The following NALF1 variants were observed in gnomAD, a reference collection of about 807,000 sequenced individuals.
NALF1 encodes NALCN channel auxiliary factor 1, also known as family with sequence similarity 155 member A.
NALF1 carries 3 observed loss-of-function variants against 48.4 expected under a neutral mutation model. The observed-to-expected ratio is 0.06, with a 90% CI of 0.03 to 0.16. The LOEUF (loss-of-function observed/expected upper bound fraction) is 0.16. Ranked by LOEUF, NALF1 falls within the 10% of genes least tolerant of loss-of-function variation. The pLI, the probability that NALF1 is intolerant of heterozygous loss-of-function variation, is 1.00. For synonymous variants in NALF1, 262 were observed against 245.7 expected, an observed-to-expected ratio of 1.07 and a Z score of -0.62; for missense variants, 526 against 571.5, an observed-to-expected ratio of 0.92 and a Z score of 0.81.
At chr13:107,787,471 T>A (rs1417820580) in intron 1 of NALF1, among the ~76,000 whole-genome samples, 1 of 152,228 alleles carries the variant, frequency 6.6e-6, no homozygotes, top group East Asian at 1.9e-4. Flanking sequence ...TCTTTATGAT[T>A]CACAGTTTAT....
At chr13:107,782,690 T>C (rs186084513) in intron 1 of NALF1, among the ~76,000 whole-genome samples, 12 of 138,354 alleles carry the variant, frequency 8.7e-5, no homozygotes, top group Middle Eastern at 4.0e-3. Flanking sequence ...ATGTGGGGAG[T>C]GCCTTTGCCC....
intron 1 of NALF1, among the ~76,000 whole-genome samples, chr13:107,756,456 A>ATATATATATATATAT (rs1877099055): frequency 2.7e-4 from 30 of 110,794 alleles, no homozygotes; most frequent in African/African-American, 1.2e-3. Context: ...TATATATATA[A>ATATATATATATATAT]AGCATAAATA....
intron 1 of NALF1, among the ~76,000 whole-genome samples, chr13:107,565,683 G>A (rs1877791544): frequency 6.6e-6 from 1 of 152,242 alleles, no homozygotes; most frequent in South Asian, 2.1e-4. Flanking sequence ...GTGCCCATGA[G>A]TCTAAATCAT....
intron 1 of NALF1, among the ~76,000 whole-genome samples, chr13:107,775,454 A>G (rs1312560935): frequency 6.6e-6 from 1 of 151,588 alleles, no homozygotes; most frequent in African/African-American, 2.4e-5. Flanking sequence ...CCAGTCTATC[A>G]TTGTTGGACA....
Position 107,865,976 on chromosome 13 carries a change from C to T in NALF1, c.621G>A (p.Val207=). 6.2e-7 allele frequency: 1 copy of T among 1,613,066 alleles called. No individual in the cohort carries two copies. The highest frequency in any genetic ancestry group is 2.2e-5 in the East Asian group (1 of 44,876). The change falls in exon 1 of 3, where the codon GTG becomes GTA. Residue 207 remains valine, a synonymous_variant. Transcript: ENST00000375915. Reference sequence around the variant, plus strand: ...AGAGCGGAGTGGGATGCTTGCTCCTCACCTCCTGCCCGTCCCCCCCGGCCG... The same window carrying T: ...AGAGCGGAGTGGGATGCTTGCTCCTTACCTCCTGCCCGTCCCCCCCGGCCG... ...RGAAGGDGQE[V]RSKHPTPLWN...
In NALF1 at chr13:107,725,898, G is replaced by C. The variant is rs141694989; in HGVS notation, c.915+139784C>G. Among the ~76,000 whole-genome samples the C allele has an allele frequency of 3.3e-3, 504 of 152,164 alleles. 2 individuals are homozygous for C. Among genetic ancestry groups the C allele is most frequent in the Middle Eastern group, 0.031 (9 of 294 alleles). The stretch of plus-strand genomic sequence containing the variant: ...TTTTTTCATATTGCCGAGTATCCCA[G>C]GAAAAACCCATTCAGCTGGGTGTTT... On this transcript the variant is annotated intron_variant, in intron 1 of 2. Coordinates refer to ENST00000375915, the MANE Select transcript of NALF1 (RefSeq NM_001080396.3).
intron 1 of NALF1, among the ~76,000 whole-genome samples, chr13:107,376,934 C>T (rs925102294): frequency 1.3e-5 from 2 of 152,294 alleles, no homozygotes; most frequent in African/African-American, 4.8e-5. Flanking sequence ...TCTGTCAACT[C>T]GCTCCTGTTC....
intron 1 of NALF1, among the ~76,000 whole-genome samples, chr13:107,355,604 A>C (rs1882949707): frequency 6.6e-6 from 1 of 151,928 alleles, no homozygotes; most frequent in African/African-American, 2.4e-5. Flanking sequence ...AGTTCTCATG[A>C]GATCTGGTTG....
chr13:107,439,567 G>A (rs1455362618), intron 1 of NALF1, among the ~76,000 whole-genome samples: 1 of 152,094 alleles, frequency 6.6e-6, no homozygotes, highest in African/African-American at 2.4e-5. Flanking sequence ...CAGAAAGAAG[G>A]GCTCCTCTCC....
intron 1 of NALF1, among the ~76,000 whole-genome samples, chr13:107,845,092 A>C (rs150007456): frequency 6.6e-6 from 1 of 152,228 alleles, no homozygotes. Context: ...ATAGCTTAAT[A>C]GTTCAAAATA....
At position 107,166,006 on chromosome 13, in the gene NALF1, ATGTG is replaced by A. The variant is rs71204815; in HGVS notation, c.*4487_*4490del. ...TTGGTTGAAGTTTTATTTGCAAGCG[ATGTG>A]TGTGTGTGTGTGTGTGTGTGTGTGT... is the stretch of plus-strand genomic sequence containing the variant. On this transcript the variant is annotated 3_prime_UTR_variant, in exon 3 of 3. Transcript: ENST00000375915. 3,091 of 146,112 alleles carry A rather than the reference ATGTG, an allele frequency of 0.021. 47 individuals carry two copies. Among genetic ancestry groups the A allele is most frequent in the African/African-American group, 0.042 (1,679 of 39,556 alleles). The allele number at this position is 146,112 out of a possible 1,614,324, so 9.1% of individuals were successfully genotyped here.
intron 1 of NALF1, among the ~76,000 whole-genome samples, chr13:107,681,703 C>T (rs1234193501): frequency 1.3e-5 from 2 of 152,084 alleles, no homozygotes; most frequent in African/African-American, 2.4e-5. Flanking sequence ...TGCTCTCATC[C>T]GACGGCTGCA....
At chr13:107,578,194 T>G (rs560550237) in intron 1 of NALF1, among the ~76,000 whole-genome samples, 1 of 152,232 alleles carries the variant, frequency 6.6e-6, no homozygotes, top group Admixed American at 6.5e-5. Context: ...TTTGTTGACA[T>G]GTTCTTCCAC....
At chr13:107,504,289 T>C (rs939230704) in intron 1 of NALF1, among the ~76,000 whole-genome samples, 9 of 149,142 alleles carry the variant, frequency 6.0e-5, no homozygotes, top group Non-Finnish European at 7.4e-5. Flanking sequence ...CTGTTACCCA[T>C]GGGCAGGGAG....
chr13:107,851,805 C>CTTTTTTTTTTT lies in NALF1; in HGVS notation c.915+13866_915+13876dup, dbSNP rs34999908. Among the ~76,000 whole-genome samples the CTTTTTTTTTTT allele has an allele frequency of 4.9e-4, 51 of 104,700 alleles. 1 individual carries two copies. The highest frequency in any genetic ancestry group is 6.9e-4 in the South Asian group (2 of 2,898). 68.7% of individuals were successfully genotyped at this position (104,700 alleles called of 152,430 possible). On this transcript the variant is annotated intron_variant, in intron 1 of 2. Transcript: ENST00000375915. ...GGATTAAGGGCTTTACAGGCCCTTT[C>CTTTTTTTTTTT]TTTTTTTTTTTTTTTTTTTTTGAGA...
In NALF1 at chr13:107,752,931, C is replaced by A. The variant is rs571255874; in HGVS notation, c.915+112751G>T. 2.0e-5 allele frequency among the ~76,000 whole-genome samples: 3 copies of A among 152,326 alleles called. No homozygotes were observed. In the South Asian group the frequency reaches 6.2e-4, roughly 32 times the overall value. Reference sequence around the variant, plus strand: ...AACCATGCTTTTGATCACTCTCCCCCACATTAGTACCATGCGAAAATTCCA... The same window carrying A: ...AACCATGCTTTTGATCACTCTCCCCAACATTAGTACCATGCGAAAATTCCA... On this transcript the variant is annotated intron_variant, in intron 1 of 2. Coordinates refer to ENST00000375915, the MANE Select transcript of NALF1 (RefSeq NM_001080396.3).
chr13:107,405,048 A>C (rs759094572), intron 1 of NALF1, among the ~76,000 whole-genome samples: 2 of 152,068 alleles, frequency 1.3e-5, no homozygotes, highest in African/African-American at 2.4e-5. Flanking sequence ...AACCTGAAAA[A>C]TATATAGGAT....
At chr13:107,781,902 G>T (rs2138578733) in intron 1 of NALF1, among the ~76,000 whole-genome samples, 1 of 152,320 alleles carries the variant, frequency 6.6e-6, no homozygotes, top group South Asian at 2.1e-4. Flanking sequence ...ATGAATAAAT[G>T]AACCAAACAC....
chr13:107,274,077 G>A (rs942779773), intron 1 of NALF1, among the ~76,000 whole-genome samples: 5 of 151,644 alleles, frequency 3.3e-5, no homozygotes, highest in African/African-American at 1.2e-4. Flanking sequence ...ATTCACTTTC[G>A]TACATAATTT....
Sources: gnomAD v4.1 joint callset for allele counts (sites outside exome capture counted in the v4.1 genomes callset) on GRCh38, gnomAD v4.1.1 for gene constraint, MANE v1.5 for transcripts, NCBI Gene and HGNC (gene_info 2026-07-23, HGNC 2026-07-21) for gene names.